BOC: variants seen among roughly 807,000 people sequenced by gnomAD.
BOC encodes the protein BOC cell adhesion associated, oncogene regulated.
A neutral mutation model predicts 112.0 loss-of-function variants in BOC; 76 were observed. The ratio of observed to expected loss-of-function variants is 0.68; its 90% CI spans 0.56 to 0.82. The LOEUF (loss-of-function observed/expected upper bound fraction) is 0.82. Among genes scored for constraint, BOC ranks in the 40% least tolerant of loss-of-function variants. The pLI is 0.00. For missense variants in BOC, 1,309 were observed against 1,511.7 expected (o/e 0.87, Z 2.22); for synonymous variants, 580 against 599.8 (o/e 0.97, Z 0.48).
intron 2 of BOC, among the ~76,000 whole-genome samples, chr3:113,240,408 C>T (rs932101549): frequency 6.6e-6 from 1 of 152,146 alleles, no homozygotes; most frequent in Non-Finnish European, 1.5e-5. Flanking sequence ...ACAGTAGGAG[C>T]CTTTTGCTTC....
chr3:113,244,837 T>A (rs1181619549), intron 2 of BOC, among the ~76,000 whole-genome samples: 1 of 152,224 alleles, frequency 6.6e-6, no homozygotes, highest in East Asian at 1.9e-4. Context: ...TATAAGGAAG[T>A]AAATTCAGAA....
intron 15 of BOC, 48 bp downstream of exon 15, chr3:113,281,201 G>C: frequency 5.0e-6 from 8 of 1,604,500 alleles, no homozygotes; most frequent in Non-Finnish European, 5.1e-6. Context: ...TCCAGCGAGG[G>C]AAGGCAGAGT....
intron 5 of BOC, chr3:113,270,304 T>G (rs1050905946): frequency 6.5e-6 from 1 of 154,142 alleles, no homozygotes; most frequent in Admixed American, 6.3e-5. Context: ...TCATCTCTCA[T>G]GTGTGCAGCC....
At chr3:113,229,672 T>C (rs930099316) in intron 2 of BOC, among the ~76,000 whole-genome samples, 2 of 152,186 alleles carry the variant, frequency 1.3e-5, no homozygotes, top group African/African-American at 4.8e-5. Flanking sequence ...TTGGGAAAAA[T>C]GTTTTCTTCC....
intron 4 of BOC, among the ~76,000 whole-genome samples, chr3:113,258,305 A>T (rs1448852727): frequency 6.6e-6 from 1 of 152,076 alleles, no homozygotes; most frequent in Admixed American, 6.6e-5. Context: ...CCATAGTGAG[A>T]TATTTCCATG....
intron 2 of BOC, among the ~76,000 whole-genome samples, chr3:113,236,266 GTATATATACCCATGGGTA>G (rs1194120414): frequency 7.6e-5 from 4 of 52,590 alleles, no homozygotes; most frequent in Non-Finnish European, 1.9e-4. Flanking sequence ...GTGTGTGTGT[GTATATATACCCATGGGTA>G]TATATATATA....
rs575024692 is a variant in BOC at position 113,272,618 on chromosome 3, G to C, written c.876G>C (p.Glu292Asp). The C allele has an allele frequency of 2.5e-6, 4 of 1,614,020 alleles. No individual in the cohort carries two copies. The highest frequency in any genetic ancestry group is 3.4e-6 in the Non-Finnish European group (4 of 1,180,014). Residue 292 changes from glutamate to aspartate, a missense_variant, in exon 7 of 20, where the codon GAG (glutamate) becomes GAC (aspartate). Physicochemically the swap from Glu to Asp is conservative, Grantham distance 45 (BLOSUM62 2). Coordinates refer to ENST00000682979, the MANE Select transcript of BOC (RefSeq NM_001378074.1). ...TCCTCATCGACACCACCAGCGAGGA[G>C]GACTCAGGCACCTACCGCTGCATGG... Reference protein sequence around the residue: ...SNLLIDTTSEEDSGTYRCMAD... With the variant: ...SNLLIDTTSEDDSGTYRCMAD...
chr3:113,234,917 T>A (rs143520902), intron 2 of BOC, among the ~76,000 whole-genome samples: 1 of 152,218 alleles, frequency 6.6e-6, no homozygotes, highest in Non-Finnish European at 1.5e-5. Flanking sequence ...GATAATACAC[T>A]GTGTTCTTCT....
intron 2 of BOC, among the ~76,000 whole-genome samples, chr3:113,221,566 C>A (rs117336787): frequency 6.6e-6 from 1 of 152,204 alleles, no homozygotes; most frequent in Non-Finnish European, 1.5e-5. Flanking sequence ...TCTCATCCTC[C>A]ACTTTAAATT....
intron 4 of BOC, among the ~76,000 whole-genome samples, chr3:113,259,959 C>T (rs1218509687): frequency 6.6e-6 from 1 of 152,170 alleles, no homozygotes; most frequent in African/African-American, 2.4e-5. Flanking sequence ...TTACTAATTC[C>T]TTCTCAGTTT....
At chr3:113,218,026 A>T (rs554865226) in intron 2 of BOC, among the ~76,000 whole-genome samples, 1 of 152,256 alleles carries the variant, frequency 6.6e-6, no homozygotes, top group Non-Finnish European at 1.5e-5. Context: ...AATCATTCCC[A>T]CAGTACCAAG....
intron 4 of BOC, among the ~76,000 whole-genome samples, chr3:113,267,680 C>T (rs1035645477): frequency 2.0e-5 from 3 of 152,230 alleles, no homozygotes; most frequent in Non-Finnish European, 4.4e-5. Flanking sequence ...CAAGTGGAAT[C>T]TCAGGCCTGT....
chr3:113,226,339 C>T (rs1269974472), intron 2 of BOC, among the ~76,000 whole-genome samples: 1 of 152,108 alleles, frequency 6.6e-6, no homozygotes, highest in Non-Finnish European at 1.5e-5. Flanking sequence ...TCAGCCAGTG[C>T]TGGTGGAAAG....
At chr3:113,253,955 G>A (rs901854609) in intron 4 of BOC, among the ~76,000 whole-genome samples, 1 of 152,246 alleles carries the variant, frequency 6.6e-6, no homozygotes, top group Non-Finnish European at 1.5e-5. Flanking sequence ...CTAATTAGGA[G>A]CCAGGCTGAA....
At chr3:113,239,440 T>A (rs1452081382) in intron 2 of BOC, among the ~76,000 whole-genome samples, 1 of 152,222 alleles carries the variant, frequency 6.6e-6, no homozygotes, top group Non-Finnish European at 1.5e-5. Flanking sequence ...TATGTTTGTA[T>A]AAGCAGGTTG....
Position 113,279,971 on chromosome 3 carries a change from C to A in BOC, c.2171C>A (p.Ala724Glu). The A allele has an allele frequency of 6.2e-7, 1 of 1,612,180 alleles. No individual in the cohort carries two copies. The highest frequency in any genetic ancestry group is 8.5e-7 in the Non-Finnish European group (1 of 1,179,090). ...VAGPYITFTDAVNETTIMLKW... is the reference protein window; with the variant it reads ...VAGPYITFTDEVNETTIMLKW... ...GGTCCTTATATCACCTTCACGGATG[C>A]GGTCAATGAGACCACCATCATGCTC... The change falls in exon 13 of 20, where the codon GCG becomes GAG. Residue 724 changes from alanine to glutamate, a missense_variant. Ala to Glu is a moderately radical substitution (Grantham distance 107). Transcript: ENST00000682979.
In BOC at chr3:113,287,069, A is replaced by C. The variant is rs774171615; in HGVS notation, c.*207A>C. 7.4e-5 allele frequency: 47 copies of C among 635,936 alleles called. No individual in the cohort carries two copies. Among genetic ancestry groups the C allele is most frequent in the Non-Finnish European group, 1.2e-4 (42 of 360,220 alleles). 39.4% of individuals were successfully genotyped at this position (635,936 alleles called of 1,614,324 possible). ...TGAGGTTGGAGAGGGAAAATAAAGA[A>C]GCTGCCACCTAACAGGAGTCACCCA... On this transcript the variant is annotated 3_prime_UTR_variant, in exon 20 of 20. Transcript: ENST00000682979.
Position 113,273,086 on chromosome 3 carries a change from A to G in BOC, c.979A>G (p.Met327Val), listed in dbSNP as rs758135445. The change falls in exon 8 of 20, where the codon ATG (methionine) becomes GTG (valine). Residue 327 changes from methionine (M) to valine (V), a missense_variant. Transcript: ENST00000682979. Reference protein sequence around the residue: ...VQVFEPPEVTMELSQLVIPWG... With the variant: ...VQVFEPPEVTVELSQLVIPWG... ...CCTGGCAGAACCCCCTGAGGTCACC[A>G]TGGAGCTATCCCAGCTGGTCATCCC... The G allele has an allele frequency of 3.1e-6, 5 of 1,605,482 alleles. No homozygotes were observed. Among genetic ancestry groups the G allele is most frequent in the African/African-American group, 2.7e-5 (2 of 74,714 alleles).
intron 12 of BOC, 58 bp downstream of exon 12, chr3:113,279,513 TGGA>T: frequency 6.5e-7 from 1 of 1,526,880 alleles, no homozygotes; most frequent in Non-Finnish European, 8.9e-7. Flanking sequence ...CCTTTCCGCC[TGGA>T]GGAGGATGAC....
Sources: gnomAD v4.1 joint callset for allele counts (sites outside exome capture counted in the v4.1 genomes callset) on GRCh38, gnomAD v4.1.1 for gene constraint, MANE v1.5 for transcripts, NCBI Gene and HGNC (gene_info 2026-07-23, HGNC 2026-07-21) for gene names.